Variants in HIVEP3 observed in about 807,000 individuals in gnomAD.
The protein encoded by HIVEP3 is HIVEP zinc finger 3.
In HIVEP3, 49 loss-of-function variants were observed where a neutral mutation model predicts 152.8. That is an observed-to-expected ratio of 0.32 (90% CI 0.26 to 0.41). The LOEUF is 0.41. Ranked by LOEUF, HIVEP3 falls within the 10% of genes least tolerant of loss-of-function variation. The pLI is 1.00. For synonymous variants in HIVEP3, 1,269 were observed against 1,289.0 expected (o/e 0.98, Z 0.33); for missense variants, 2,790 against 3,103.3 (o/e 0.90, Z 2.40).
rs573367940 is a variant in HIVEP3 at position 41,571,592 on chromosome 1, G to C, written c.5207+3952C>G. Among the ~76,000 whole-genome samples, 16 of 152,350 alleles carry C rather than the reference G, an allele frequency of 1.1e-4. No homozygotes were observed. The South Asian group carries it at 2.9e-3, about 28-fold the overall frequency. Reference sequence around the variant, plus strand: ...TACCCCAGGACCCAAGTCAAGAAGGGACTTGGGAGGAGACAGAAATGGATC... The same window carrying C: ...TACCCCAGGACCCAAGTCAAGAAGGCACTTGGGAGGAGACAGAAATGGATC... On this transcript the variant is annotated intron_variant, in intron 5 of 8. Transcript: ENST00000372583.
intron 1 of HIVEP3, chr1:41,864,619 C>G (rs956141132): frequency 6.6e-6 from 1 of 152,212 alleles, no homozygotes; most frequent in Admixed American, 6.5e-5. Flanking sequence ...TGAGGAGAAC[C>G]TCTGGATATG....
chr1:41,865,739 G>A (rs1275241106), intron 1 of HIVEP3: 3 of 152,176 alleles, frequency 2.0e-5, no homozygotes, highest in Non-Finnish European at 4.4e-5. Context: ...TATATTTGCT[G>A]TTATTTTTTA....
At chr1:41,888,570 G>A (rs1048873423) in intron 1 of HIVEP3, among the ~76,000 whole-genome samples, 3 of 151,890 alleles carry the variant, frequency 2.0e-5, no homozygotes, top group African/African-American at 7.3e-5. Flanking sequence ...GTTAGGCCTT[G>A]TAGAGAATAA....
chr1:41,854,517 C>CA (rs1553123131), intron 1 of HIVEP3, among the ~76,000 whole-genome samples: 7 of 103,680 alleles, frequency 6.8e-5, no homozygotes, highest in African/African-American at 2.9e-4. Flanking sequence ...TCTTGCTGCA[C>CA]TTTTTTTTTT....
chr1:41,700,412 G>A (rs1442323088), intron 2 of HIVEP3, among the ~76,000 whole-genome samples: 1 of 152,166 alleles, frequency 6.6e-6, no homozygotes, highest in African/African-American at 2.4e-5. Flanking sequence ...CATATAAGGT[G>A]AACACACAGC....
intron 5 of HIVEP3, among the ~76,000 whole-genome samples, chr1:41,540,888 A>C (rs1336173044): frequency 6.6e-6 from 1 of 152,140 alleles, no homozygotes; most frequent in African/African-American, 2.4e-5. Context: ...TTCTAATGGT[A>C]GGAGCTGGGC....
In HIVEP3 at chr1:41,873,816, T is replaced by G. The variant is rs992437509; in HGVS notation, c.-801+44597A>C. 1.3e-5 allele frequency among the ~76,000 whole-genome samples: 2 copies of G among 152,192 alleles called. No homozygotes were observed. The highest frequency in any genetic ancestry group is 2.9e-5 in the Non-Finnish European group (2 of 68,040). ...CTTTAAAGTGAATTCAAGAGTGGGA[T>G]TCAAGAGACCAAACCATGGGGTCTA... On this transcript the variant is annotated intron_variant, in intron 1 of 8. Coordinates refer to ENST00000372583, the MANE Select transcript of HIVEP3 (RefSeq NM_024503.5). The surrounding 1 kb of genome is among the most constrained non-coding windows in gnomAD (Gnocchi z 4.2).
chr1:41,950,337 A>AC (rs1201866100), intron 1 of HIVEP3, among the ~76,000 whole-genome samples: 2 of 152,170 alleles, frequency 1.3e-5, no homozygotes, highest in African/African-American at 4.8e-5. Flanking sequence ...AAACAAACAA[A>AC]AAAAAACGTG....
chr1:41,592,651 T>G (rs2149116941), intron 3 of HIVEP3, among the ~76,000 whole-genome samples: 1 of 152,318 alleles, frequency 6.6e-6, no homozygotes, highest in East Asian at 1.9e-4. Flanking sequence ...CCTCTTGGCT[T>G]CTCTGGGGGA....
intron 5 of HIVEP3, among the ~76,000 whole-genome samples, chr1:41,561,515 G>A (rs1373989268): frequency 7.1e-6 from 1 of 141,598 alleles, no homozygotes; most frequent in East Asian, 2.4e-4. Flanking sequence ...CAATCCATAT[G>A]TCACTTTTTT....
At chr1:41,905,915 A>G (rs1300677111) in intron 1 of HIVEP3, among the ~76,000 whole-genome samples, 2 of 152,224 alleles carry the variant, frequency 1.3e-5, no homozygotes, top group Non-Finnish European at 2.9e-5. Context: ...AGGAGAGCTG[A>G]GGAGGCACAA....
chr1:41,822,004 C>A (rs776699613), intron 1 of HIVEP3, among the ~76,000 whole-genome samples: 40 of 152,216 alleles, frequency 2.6e-4, no homozygotes, highest in Non-Finnish European at 4.6e-4. Flanking sequence ...CTCCGAAATG[C>A]AGTGTCTTAA....
At chr1:41,518,618 G>A in intron 6 of HIVEP3, 130 bp from the exon 7 acceptor site, 1 of 820,540 alleles carries the variant, frequency 1.2e-6, no homozygotes, top group Non-Finnish European at 2.0e-6. Flanking sequence ...GCCAGCTGCA[G>A]GGCTGGGCAG....
At chr1:42,026,085 A>G (rs1472961688) in intron 1 of HIVEP3, among the ~76,000 whole-genome samples, 3 of 152,072 alleles carry the variant, frequency 2.0e-5, no homozygotes, top group African/African-American at 7.2e-5. Context: ...GAAAAAAAAA[A>G]AAATCTGCGA....
chr1:41,709,111 C>A (rs1315825957), intron 1 of HIVEP3, among the ~76,000 whole-genome samples: 1 of 152,206 alleles, frequency 6.6e-6, no homozygotes, highest in Admixed American at 6.5e-5. Context: ...ACTGTGCCAG[C>A]TACCCATGGC....
chr1:41,869,533 A>T (rs61099103), intron 1 of HIVEP3: 13 of 152,328 alleles, frequency 8.5e-5, no homozygotes, highest in African/African-American at 3.1e-4. Context: ...GAGACACCAA[A>T]GTACGAAACT....
At chr1:42,029,603 T>G (rs1385368155) in intron 1 of HIVEP3, among the ~76,000 whole-genome samples, 2 of 152,128 alleles carry the variant, frequency 1.3e-5, no homozygotes, top group Admixed American at 1.3e-4. Flanking sequence ...GTGGAATAAG[T>G]AGAGGGTAAA....
chr1:41,735,724 T>A (rs550523194), intron 1 of HIVEP3, among the ~76,000 whole-genome samples: 2 of 152,252 alleles, frequency 1.3e-5, no homozygotes, highest in African/African-American at 4.8e-5. Flanking sequence ...GCAAACTCCA[T>A]GACAGGCGGA....
chr1:41,670,152 G>C (rs1437133321), intron 2 of HIVEP3, among the ~76,000 whole-genome samples: 1 of 152,190 alleles, frequency 6.6e-6, no homozygotes, highest in Non-Finnish European at 1.5e-5. Flanking sequence ...TTGACTGAAC[G>C]AATGCATACC....
Sources: allele counts gnomAD v4.1 joint callset (sites outside exome capture counted in the v4.1 genomes callset), GRCh38; gene constraint gnomAD v4.1.1; non-coding constraint Gnocchi (gnomAD v3.1); transcripts MANE v1.5; gene names NCBI Gene and HGNC (gene_info 2026-07-23, HGNC 2026-07-21).